The following PAX3 variants were observed in gnomAD, a reference collection of about 807,000 sequenced individuals.
PAX3 encodes paired box 3, also known as paired box protein Pax-3.
Under a neutral mutation model 51.6 loss-of-function variants are expected in PAX3, and 14 were observed. The observed-to-expected ratio is 0.27, with a 90% CI of 0.18 to 0.42. The LOEUF is 0.42. Ranked by LOEUF, PAX3 falls within the 10% of genes least tolerant of loss-of-function variation. The pLI, the probability that PAX3 is intolerant of heterozygous loss-of-function variation, is 1.00. For missense variants in PAX3, 540 were observed against 642.8 expected (o/e 0.84, Z 1.73); for synonymous variants, 280 against 253.4 (o/e 1.11, Z -1.00).
Position 222,297,332 on chromosome 2 carries a change from C to T in PAX3, c.86-119G>A, listed in dbSNP as rs908709892. 3.9e-6 allele frequency: 3 copies of T among 774,962 alleles called. No homozygotes were observed. In the African/African-American group the frequency reaches 5.2e-5, roughly 13 times the overall value. The allele number at this position is 774,962 out of a possible 1,614,324, so 48.0% of individuals were successfully genotyped here. ...CTATCCTCATGTTACAGCACCGACG[C>T]TGAAACTGCTCGACATCGGACTCCC... On this transcript the variant is annotated intron_variant, in intron 1 of 8. Coordinates refer to ENST00000392070, the MANE Select transcript of PAX3 (RefSeq NM_181458.4).
chr2:222,292,028 C>G (rs964291239), intron 4 of PAX3, among the ~76,000 whole-genome samples: 2 of 145,500 alleles, frequency 1.4e-5, no homozygotes, highest in African/African-American at 5.1e-5. Flanking sequence ...GTGTTTCCAA[C>G]AGCACAGCCC....
intron 6 of PAX3, 132 bp downstream of exon 6, chr2:222,221,090 G>T: frequency 2.3e-6 from 2 of 874,256 alleles, no homozygotes; most frequent in Non-Finnish European, 3.9e-6. Flanking sequence ...TGATAGGTAC[G>T]TTCAGGACAA....
At chr2:222,291,695 C>T (rs1307403836) in intron 4 of PAX3, among the ~76,000 whole-genome samples, 1 of 152,176 alleles carries the variant, frequency 6.6e-6, no homozygotes, top group Non-Finnish European at 1.5e-5. Context: ...AAAGTTCCTC[C>T]TCCCTCAGCT....
chr2:222,293,037 C>T (rs2106194100), intron 4 of PAX3, among the ~76,000 whole-genome samples: 1 of 152,342 alleles, frequency 6.6e-6, no homozygotes, highest in East Asian at 1.9e-4. Context: ...TAAAAGAAGT[C>T]CCACTTGGAT....
chr2:222,280,355 AAG>A (rs1268275591), intron 4 of PAX3, among the ~76,000 whole-genome samples: 1 of 147,158 alleles, frequency 6.8e-6, no homozygotes, highest in African/African-American at 2.5e-5. Context: ...AAGAAAAAGA[AAG>A]AAAGAGAGAA....
intron 7 of PAX3, among the ~76,000 whole-genome samples, chr2:222,212,622 AACACACACAC>A (rs57019405): frequency 2.2e-4 from 33 of 148,030 alleles, no homozygotes; most frequent in Admixed American, 8.1e-4. Flanking sequence ...TGGAAAAACA[AACACACACAC>A]ACACACACAC....
intron 4 of PAX3, among the ~76,000 whole-genome samples, chr2:222,270,024 A>C (rs1694195684): frequency 6.6e-6 from 1 of 152,234 alleles, no homozygotes; most frequent in South Asian, 2.1e-4. Flanking sequence ...AGAAATCACC[A>C]TGCAGTGGCC....
At chr2:222,263,619 C>T (rs1336426794) in intron 4 of PAX3, 1 of 152,160 alleles carries the variant, frequency 6.6e-6, no homozygotes, top group Non-Finnish European at 1.5e-5. Flanking sequence ...AATCACACTT[C>T]TAGGTATTTA....
intron 3 of PAX3, among the ~76,000 whole-genome samples, chr2:222,295,116 G>C (rs568000475): frequency 6.6e-6 from 1 of 152,052 alleles, no homozygotes; most frequent in Non-Finnish European, 1.5e-5. Context: ...AGGAAATCGG[G>C]GCCGTTGTGG....
intron 4 of PAX3, among the ~76,000 whole-genome samples, chr2:222,284,602 T>C (rs1259294348): frequency 1.9e-5 from 2 of 106,378 alleles, no homozygotes; most frequent in Non-Finnish European, 3.6e-5. Context: ...GTGGGGTGTG[T>C]GTCTGTGTGC....
intron 5 of PAX3, among the ~76,000 whole-genome samples, chr2:222,225,430 T>C (rs987168889): frequency 1.3e-5 from 2 of 152,180 alleles, no homozygotes; most frequent in African/African-American, 4.8e-5. Context: ...AGATAATAAT[T>C]AGAAAAGAAA....
rs1205185580 is a variant in PAX3 at position 222,200,398 on chromosome 2, T to A, written c.*1010A>T. The A allele has an allele frequency of 4.4e-6, 1 of 228,588 alleles. No homozygotes were observed. The allele number at this position is 228,588 out of a possible 1,614,324, so 14.2% of individuals were successfully genotyped here. ...TTAAAAGCATAATTATCTGATCTGG[T>A]CTCTAATCAAAGGAGCAACCCGGGT... is the stretch of plus-strand genomic sequence containing the variant. On this transcript the variant is annotated 3_prime_UTR_variant, in exon 9 of 9. Transcript: ENST00000392070.
intron 4 of PAX3, among the ~76,000 whole-genome samples, chr2:222,235,714 C>G (rs1692775189): frequency 6.6e-6 from 1 of 152,060 alleles, no homozygotes; most frequent in South Asian, 2.1e-4. Context: ...AGGGCAAAAG[C>G]TCCCTTGATC....
chr2:222,203,188 ATGG>A (rs1691375565), intron 7 of PAX3, among the ~76,000 whole-genome samples: 2 of 151,510 alleles, frequency 1.3e-5, no homozygotes, highest in South Asian at 4.2e-4. Flanking sequence ...TCAGATCAAC[ATGG>A]TGAAGTGCTT....
chr2:222,227,727 TTTA>T (rs1692437879), intron 5 of PAX3, among the ~76,000 whole-genome samples: 1 of 144,348 alleles, frequency 6.9e-6, no homozygotes, highest in African/African-American at 2.6e-5. Context: ...AATCATCTTT[TTTA>T]AAAAAAAAAA....
intron 4 of PAX3, among the ~76,000 whole-genome samples, chr2:222,252,242 C>A (rs946907246): frequency 6.6e-6 from 1 of 152,160 alleles, no homozygotes; most frequent in African/African-American, 2.4e-5. Context: ...CCCCAAAAAG[C>A]CAAAAATATT....
rs543282885 is a variant in PAX3, at chr2:222,223,657, T to C, written c.793-2270A>G. Among the ~76,000 whole-genome samples the C allele has an allele frequency of 2.0e-5, 3 of 152,322 alleles. No individual in the cohort carries two copies. The South Asian group carries it at 6.2e-4, about 32-fold the overall frequency. ...TCAAGACTAAGGAGGTACTCCCGGCTCAGATCAGGTAGTCCTCTGCAACTA... is the reference window on the plus strand; with the variant it reads ...TCAAGACTAAGGAGGTACTCCCGGCCCAGATCAGGTAGTCCTCTGCAACTA... On this transcript the variant is annotated intron_variant, in intron 5 of 8. Transcript: ENST00000392070.
intron 5 of PAX3, among the ~76,000 whole-genome samples, chr2:222,231,771 C>T (rs1334601010): frequency 6.6e-6 from 1 of 152,126 alleles, no homozygotes; most frequent in Non-Finnish European, 1.5e-5. Flanking sequence ...GTGGCTGGGA[C>T]AGAGTAACCA....
chr2:222,290,519 T>G (rs1431573937), intron 4 of PAX3, among the ~76,000 whole-genome samples: 1 of 152,216 alleles, frequency 6.6e-6, no homozygotes. Flanking sequence ...GAAAGTCTTA[T>G]GAGAGTGTAT....
Sources: gnomAD v4.1 joint callset for allele counts (sites outside exome capture counted in the v4.1 genomes callset) on GRCh38, gnomAD v4.1.1 for gene constraint, MANE v1.5 for transcripts, NCBI Gene and HGNC (gene_info 2026-07-23, HGNC 2026-07-21) for gene names.